KATNAL2: variants seen among roughly 807,000 people sequenced by gnomAD.
KATNAL2 encodes katanin p60 ATPase-containing subunit A-like 2.
A neutral mutation model predicts 76.3 loss-of-function variants in KATNAL2; 52 were observed. The ratio of observed to expected loss-of-function variants is 0.68; its 90% CI spans 0.55 to 0.86. The LOEUF (loss-of-function observed/expected upper bound fraction) is 0.86, where lower values mean the gene tolerates loss of function less well. KATNAL2 is among the 40% of genes least tolerant of loss of function. The pLI, the probability that KATNAL2 is intolerant of heterozygous loss-of-function variation, is 0.00. For synonymous variants in KATNAL2, 243 were observed against 244.2 expected (o/e 1.00, Z 0.05); for missense variants, 660 against 668.9 (o/e 0.99, Z 0.15).
At chr18:47,048,966 C>G (rs1384459593) in intron 4 of KATNAL2, among the ~76,000 whole-genome samples, 1 of 150,954 alleles carries the variant, frequency 6.6e-6, no homozygotes, top group African/African-American at 2.4e-5. Flanking sequence ...TCCCGAGTAG[C>G]TGGGACTACA....
In KATNAL2 at chr18:47,100,265, C is replaced by A; in HGVS notation, c.1386C>A (p.Gly462=). The change falls in exon 17 of 18, where the codon GGC becomes GGA. Residue 462 remains glycine (G), a synonymous_variant. Transcript: ENST00000683218. ...EYSVLSQETE[G]YSGSDIKLVC... The stretch of plus-strand genomic sequence containing the variant: ...TTTGGCTGTTTCAGGAGACTGAGGG[C>A]TACTCAGGCTCAGATATTAAGCTCG... The A allele has an allele frequency of 6.2e-7, 1 of 1,613,690 alleles. No individual in the cohort carries two copies. The highest frequency in any genetic ancestry group is 8.5e-7 in the Non-Finnish European group (1 of 1,179,598).
chr18:46,920,980 A>G lies in KATNAL2; in HGVS notation c.-510+3054A>G, dbSNP rs185878055. The stretch of plus-strand genomic sequence containing the variant: ...ATCCTTTTTCTTTATTACATTTCCA[A>G]TGGTAAAATGTTTTAGTGCTCTTTA... On this transcript the variant is annotated intron_variant, in intron 1 of 17. Coordinates refer to ENST00000683218, the MANE Select transcript of KATNAL2 (RefSeq NM_001387690.1). 1.2e-4 allele frequency among the ~76,000 whole-genome samples: 18 copies of G among 152,304 alleles called. No homozygotes were observed. In the East Asian group the frequency reaches 2.7e-3, roughly 23 times the overall value.
chr18:47,071,908 A>T (rs1412064427), intron 13 of KATNAL2, among the ~76,000 whole-genome samples: 2 of 143,000 alleles, frequency 1.4e-5, no homozygotes, highest in East Asian at 2.0e-4. Flanking sequence ...AAATTAATTA[A>T]AAAAAAAAAA....
At chr18:46,942,662 A>G (rs1411574027) in intron 1 of KATNAL2, among the ~76,000 whole-genome samples, 1 of 152,116 alleles carries the variant, frequency 6.6e-6, no homozygotes, top group Non-Finnish European at 1.5e-5. Flanking sequence ...CTATTATAAT[A>G]TCTTCTATCT....
chr18:47,042,089 A>G (rs1015087972), intron 3 of KATNAL2, among the ~76,000 whole-genome samples: 2 of 152,006 alleles, frequency 1.3e-5, no homozygotes, highest in African/African-American at 4.8e-5. Context: ...CTGTGTTTGT[A>G]TATTTTGGAT....
At chr18:47,090,613 A>G (rs2062958646) in intron 15 of KATNAL2, among the ~76,000 whole-genome samples, 1 of 152,194 alleles carries the variant, frequency 6.6e-6, no homozygotes, top group African/African-American at 2.4e-5. Context: ...ATAAAAATAT[A>G]CAAGGGAAAG....
At chr18:46,940,564 T>C (rs2059218617) in intron 1 of KATNAL2, among the ~76,000 whole-genome samples, 1 of 152,160 alleles carries the variant, frequency 6.6e-6, no homozygotes, top group East Asian at 1.9e-4. Context: ...AGGTTTGCAG[T>C]TAGGCAGGCA....
intron 6 of KATNAL2, 21 bp from the exon 7 acceptor site, chr18:47,058,214 G>T: frequency 6.7e-7 from 1 of 1,484,450 alleles, no homozygotes; most frequent in Non-Finnish European, 9.4e-7. Context: ...TTTCTTCCAA[G>T]GTCTTTGTTC....
At chr18:47,034,479 G>A in intron 3 of KATNAL2, 2 of 1,614,158 alleles carry the variant, frequency 1.2e-6, no homozygotes, top group Admixed American at 1.7e-5. Flanking sequence ...GCATCCTTGG[G>A]GTTTCCTCTC....
At chr18:47,066,888 T>TATATACATACACAC (rs11281082) in intron 10 of KATNAL2, 133 bp from the exon 11 acceptor site, 2 of 75,816 alleles carry the variant, frequency 2.6e-5, no homozygotes, top group African/African-American at 8.8e-5. Context: ...TATATATATA[T>TATATACATACACAC]ATATAATATG....
At position 47,102,214 on chromosome 18, in the gene KATNAL2, CA is replaced by C. The variant is rs1408721714; in HGVS notation, c.*1212del. On this transcript the variant is annotated 3_prime_UTR_variant, in exon 18 of 18. Coordinates refer to ENST00000683218, the MANE Select transcript of KATNAL2 (RefSeq NM_001387690.1). Reference sequence around the variant, plus strand: ...CAAATTGAAAATATACCTTATTTAACAAATTGAAAATAAAAAAGATTTCATC... The same window carrying C: ...CAAATTGAAAATATACCTTATTTAACAATTGAAAATAAAAAAGATTTCATC... 8 of 152,200 alleles carry C rather than the reference CA, an allele frequency of 5.3e-5. No homozygotes were observed. In the East Asian group the frequency reaches 1.5e-3, roughly 29 times the overall value. 9.4% of individuals were successfully genotyped at this position (152,200 alleles called of 1,614,324 possible).
intron 1 of KATNAL2, among the ~76,000 whole-genome samples, chr18:46,943,209 A>G (rs976716485): frequency 6.6e-6 from 1 of 152,134 alleles, no homozygotes; most frequent in Non-Finnish European, 1.5e-5. Context: ...GGAGACTCCT[A>G]TACAAATTTC....
At chr18:46,921,333 G>A (rs1412267827) in intron 1 of KATNAL2, among the ~76,000 whole-genome samples, 1 of 152,120 alleles carries the variant, frequency 6.6e-6, no homozygotes, top group African/African-American at 2.4e-5. Context: ...TCACCGTCTT[G>A]GTCAGGCTAG....
intron 3 of KATNAL2, among the ~76,000 whole-genome samples, chr18:47,038,855 T>C (rs1025810146): frequency 6.6e-6 from 1 of 152,188 alleles, no homozygotes; most frequent in African/African-American, 2.4e-5. Flanking sequence ...CAAAGAGAAA[T>C]GTCTGCTGTA....
intron 10 of KATNAL2, among the ~76,000 whole-genome samples, chr18:47,065,305 C>T (rs1382202126): frequency 2.0e-5 from 3 of 152,012 alleles, no homozygotes; most frequent in African/African-American, 7.3e-5. Context: ...ACTGAAAATA[C>T]AAAACATTAG....
intron 1 of KATNAL2, among the ~76,000 whole-genome samples, chr18:46,922,463 A>G (rs1426969653): frequency 2.6e-5 from 4 of 151,628 alleles, no homozygotes; most frequent in African/African-American, 7.3e-5. Context: ...GCATCACTTG[A>G]CTAGCCTTTT....
chr18:47,031,646 G>A (rs1405005037), intron 3 of KATNAL2, among the ~76,000 whole-genome samples: 2 of 152,170 alleles, frequency 1.3e-5, no homozygotes, highest in Non-Finnish European at 2.9e-5. Context: ...GAGCTAGAAT[G>A]AGGATTATTT....
At chr18:47,041,451 C>T (rs2060961644) in intron 3 of KATNAL2, among the ~76,000 whole-genome samples, 1 of 152,148 alleles carries the variant, frequency 6.6e-6, no homozygotes, top group South Asian at 2.1e-4. Context: ...TGGAATCATA[C>T]AGTATATAGG....
chr18:46,957,946 T>G (rs2146767205), intron 3 of KATNAL2, among the ~76,000 whole-genome samples: 1 of 152,184 alleles, frequency 6.6e-6, no homozygotes, highest in South Asian at 2.1e-4. Context: ...TCCATCTGCC[T>G]CAGCCTCCCA....
Sources: allele counts gnomAD v4.1 joint callset (sites outside exome capture counted in the v4.1 genomes callset), GRCh38; gene constraint gnomAD v4.1.1; transcripts MANE v1.5; gene names NCBI Gene and HGNC (gene_info 2026-07-23, HGNC 2026-07-21).